Variants in FAM117B observed in about 807,000 individuals in gnomAD.
FAM117B encodes the protein protein FAM117B.
A neutral mutation model predicts 52.8 loss-of-function variants in FAM117B; 22 were observed. That is an observed-to-expected ratio of 0.42 (90% CI 0.30 to 0.59). FAM117B has a LOEUF of 0.59. Ranked by LOEUF, FAM117B falls within the 20% of genes least tolerant of loss-of-function variation. The pLI is 0.22. For synonymous variants in FAM117B, 309 were observed against 324.1 expected (o/e 0.95, Z 0.50); for missense variants, 678 against 802.6 (o/e 0.84, Z 1.88).
At position 202,765,537 on chromosome 2, in the gene FAM117B, G is replaced by A; in HGVS notation, c.1543G>A (p.Val515Ile). 7 of 1,613,988 alleles carry A rather than the reference G, an allele frequency of 4.3e-6. No homozygotes were observed. The highest frequency in any genetic ancestry group is 2.2e-5 in the East Asian group (1 of 44,880). Residue 515 changes from valine (V) to isoleucine (I), a missense_variant, in exon 8 of 8, where the codon GTC (valine) becomes ATC (isoleucine). Around this residue, in one of 3 missense-constraint regions of FAM117B, gnomAD observed 27 missense variants for 77.3 expected, o/e 0.35. Coordinates refer to ENST00000392238, the MANE Select transcript of FAM117B (RefSeq NM_173511.4). ...TAAAAGTGGATCTGCTTTCTGCCTC[G>A]TCAGCATCCTCAAGCCACTCCTTCC... ...IPKSGSAFCL[V>I]SILKPLLPTP...
chr2:202,691,255 A>G (rs529021530), intron 1 of FAM117B, among the ~76,000 whole-genome samples: 5 of 152,202 alleles, frequency 3.3e-5, no homozygotes, highest in South Asian at 2.1e-4. Context: ...GTCTCTACTA[A>G]AAGTATAAAA....
intron 1 of FAM117B, among the ~76,000 whole-genome samples, chr2:202,647,164 AT>A (rs1689881495): frequency 6.6e-6 from 1 of 152,098 alleles, no homozygotes; most frequent in Non-Finnish European, 1.5e-5. Context: ...TAGTAAAGTT[AT>A]TTTTTACAAT....
intron 1 of FAM117B, among the ~76,000 whole-genome samples, chr2:202,658,901 T>G (rs1191038376): frequency 6.6e-6 from 1 of 152,154 alleles, no homozygotes; most frequent in African/African-American, 2.4e-5. Context: ...AGGTTTTGTT[T>G]TGTCAAATAT....
At chr2:202,661,102 A>AAAAACTCAG (rs1350097583) in intron 1 of FAM117B, among the ~76,000 whole-genome samples, 1 of 152,172 alleles carries the variant, frequency 6.6e-6, no homozygotes, top group Non-Finnish European at 1.5e-5. Context: ...TGGGAGGGGG[A>AAAAACTCAG]AAAACTCAGT....
At chr2:202,739,138 G>A (rs1220651595) in intron 4 of FAM117B, among the ~76,000 whole-genome samples, 2 of 152,184 alleles carry the variant, frequency 1.3e-5, no homozygotes, top group African/African-American at 4.8e-5. Context: ...GCAGTGAGCT[G>A]AGATCATGCT....
At chr2:202,651,055 C>T (rs1689948212) in intron 1 of FAM117B, among the ~76,000 whole-genome samples, 2 of 144,474 alleles carry the variant, frequency 1.4e-5, no homozygotes, top group African/African-American at 5.2e-5. Context: ...TTCTAATTTG[C>T]CATTCTTTTT....
chr2:202,760,365 G>A (rs1691867547), intron 7 of FAM117B, among the ~76,000 whole-genome samples: 1 of 152,196 alleles, frequency 6.6e-6, no homozygotes, highest in South Asian at 2.1e-4. Context: ...AGTTCCTGCC[G>A]AAGGGACCTG....
intron 7 of FAM117B, among the ~76,000 whole-genome samples, chr2:202,760,779 T>A (rs968647239): frequency 4.6e-5 from 7 of 152,250 alleles, no homozygotes; most frequent in African/African-American, 1.7e-4. Context: ...TTTGGTTTTC[T>A]GTGGCAGGGA....
chr2:202,713,738 G>A (rs940407226), intron 2 of FAM117B, among the ~76,000 whole-genome samples: 2 of 151,854 alleles, frequency 1.3e-5, no homozygotes, highest in Admixed American at 6.6e-5. Context: ...AAGGAGTTTC[G>A]CTCTGTTGCT....
Position 202,765,928 on chromosome 2 carries a change from C to A in FAM117B, c.*164C>A. 1 of 715,438 alleles carries A rather than the reference C, an allele frequency of 1.4e-6. No homozygotes were observed. Among genetic ancestry groups the A allele is most frequent in the Non-Finnish European group, 2.3e-6 (1 of 442,506 alleles). The allele number at this position is 715,438 out of a possible 1,614,324, so 44.3% of individuals were successfully genotyped here. On this transcript the variant is annotated 3_prime_UTR_variant, in exon 8 of 8. Transcript: ENST00000392238. ...GAAAGGATCCCCCGTGACGGCTCTG[C>A]CCCACTTGTGAACGCCAACCCTCAG...
intron 1 of FAM117B, among the ~76,000 whole-genome samples, chr2:202,666,717 A>G (rs1436617492): frequency 7.1e-6 from 1 of 140,222 alleles, no homozygotes; most frequent in Non-Finnish European, 1.5e-5. Flanking sequence ...TGCCCAGGCC[A>G]GAGTGCAGTG....
intron 2 of FAM117B, among the ~76,000 whole-genome samples, chr2:202,696,415 T>A (rs1690713080): frequency 6.6e-6 from 1 of 152,024 alleles, no homozygotes; most frequent in South Asian, 2.1e-4. Context: ...CTAATGAGCT[T>A]AAAAAAAATT....
intron 1 of FAM117B, among the ~76,000 whole-genome samples, chr2:202,660,947 G>A (rs1195755557): frequency 6.6e-6 from 1 of 152,212 alleles, no homozygotes; most frequent in Non-Finnish European, 1.5e-5. Context: ...AAAGAGCTGG[G>A]ATTCCACCCA....
At chr2:202,732,785 C>A (rs1358135000) in intron 4 of FAM117B, among the ~76,000 whole-genome samples, 2 of 151,336 alleles carry the variant, frequency 1.3e-5, no homozygotes, top group Admixed American at 6.6e-5. Context: ...CGCACCACTG[C>A]ACTGCAGCCT....
chr2:202,717,894 A>G (rs1007115925), intron 2 of FAM117B, among the ~76,000 whole-genome samples: 1 of 152,084 alleles, frequency 6.6e-6, no homozygotes, highest in Non-Finnish European at 1.5e-5. Context: ...CCTGGTGGTA[A>G]GTTTCCCCAG....
At chr2:202,663,675 C>T (rs1415334912) in intron 1 of FAM117B, among the ~76,000 whole-genome samples, 1 of 151,786 alleles carries the variant, frequency 6.6e-6, no homozygotes, top group African/African-American at 2.4e-5. Context: ...CCTCTGCCTC[C>T]CAGGTTCAAG....
At chr2:202,667,851 G>A (rs184313827) in intron 1 of FAM117B, among the ~76,000 whole-genome samples, 14 of 152,088 alleles carry the variant, frequency 9.2e-5, no homozygotes, top group Non-Finnish European at 1.3e-4. Flanking sequence ...AGCTAGCATG[G>A]CTGAACCACA....
At chr2:202,683,926 G>T (rs939595954) in intron 1 of FAM117B, among the ~76,000 whole-genome samples, 1 of 151,944 alleles carries the variant, frequency 6.6e-6, no homozygotes, top group South Asian at 2.1e-4. Flanking sequence ...GAGTGCAGTG[G>T]CGCGATCATG....
chr2:202,714,365 T>G (rs1691004653), intron 2 of FAM117B, among the ~76,000 whole-genome samples: 1 of 152,186 alleles, frequency 6.6e-6, no homozygotes, highest in South Asian at 2.1e-4. Flanking sequence ...TTGTTGTTGA[T>G]TTTATGTATA....
Sources: allele counts gnomAD v4.1 joint callset (sites outside exome capture counted in the v4.1 genomes callset), GRCh38; gene constraint gnomAD v4.1.1; regional missense constraint gnomAD v4.1.1; transcripts MANE v1.5; gene names NCBI Gene and HGNC (gene_info 2026-07-23, HGNC 2026-07-21).